CHRM5: variants seen among roughly 807,000 people sequenced by gnomAD.
CHRM5 encodes the protein cholinergic receptor muscarinic 5, also known as muscarinic acetylcholine receptor M5.
Under a neutral mutation model 39.0 loss-of-function variants are expected in CHRM5, and 18 were observed. The observed-to-expected ratio is 0.46, with a 90% CI of 0.32 to 0.68. CHRM5 has a LOEUF of 0.68. Among genes scored for constraint, CHRM5 ranks in the 30% least tolerant of loss-of-function variants. CHRM5 has a pLI of 0.04. For missense variants in CHRM5, 515 were observed against 651.1 expected (o/e 0.79, Z 2.28); for synonymous variants, 241 against 246.3 (o/e 0.98, Z 0.20).
intron 1 of CHRM5, among the ~76,000 whole-genome samples, chr15:33,992,295 G>C (rs551353230): frequency 1.1e-3 from 168 of 152,220 alleles, no homozygotes; most frequent in African/African-American, 2.8e-3. Context: ...GAGGCTGAGG[G>C]AGGAGAATGG....
At chr15:34,041,496 G>A (rs995557449) in intron 1 of CHRM5, among the ~76,000 whole-genome samples, 3 of 152,184 alleles carry the variant, frequency 2.0e-5, no homozygotes, top group African/African-American at 7.2e-5. Context: ...ACTATCCCTT[G>A]AGAAGCCTCC....
At chr15:34,015,426 G>A (rs1343441400) in intron 1 of CHRM5, among the ~76,000 whole-genome samples, 6 of 151,928 alleles carry the variant, frequency 3.9e-5, no homozygotes, top group Non-Finnish European at 8.8e-5. Context: ...AGCTTGCAGT[G>A]AGCCGAGATC....
intron 1 of CHRM5, among the ~76,000 whole-genome samples, chr15:33,983,205 T>TATATATAC (rs1896257107): frequency 3.8e-5 from 1 of 26,042 alleles, no homozygotes; most frequent in East Asian, 1.8e-3. Context: ...TGTGTGTATA[T>TATATATAC]ATATATATAC....
At chr15:34,058,523 C>T (rs1271758612) in intron 2 of CHRM5, among the ~76,000 whole-genome samples, 1 of 149,516 alleles carries the variant, frequency 6.7e-6, no homozygotes, top group Non-Finnish European at 1.5e-5. Flanking sequence ...CTTCAATCAG[C>T]ATAATAAGGA....
At position 34,065,032 on chromosome 15, in the gene CHRM5, A is replaced by G. The variant is rs1409193044; in HGVS notation, c.*716A>G. ...AGTCTGGAAGGACTGAAACCTGGTC[A>G]TACCCAGTCCTTTCAAGGGGCCTCT... is the stretch of plus-strand genomic sequence containing the variant. On this transcript the variant is annotated 3_prime_UTR_variant, in exon 3 of 3. Transcript: ENST00000383263. The G allele has an allele frequency of 6.0e-6, 1 of 167,052 alleles. No individual in the cohort carries two copies. The allele number at this position is 167,052 out of a possible 1,614,324, so 10.3% of individuals were successfully genotyped here.
At chr15:34,035,127 C>T (rs1056108416) in intron 1 of CHRM5, among the ~76,000 whole-genome samples, 1 of 152,142 alleles carries the variant, frequency 6.6e-6, no homozygotes, top group African/African-American at 2.4e-5. Flanking sequence ...TCAACGCCAT[C>T]GGGTATTAAT....
intron 1 of CHRM5, among the ~76,000 whole-genome samples, chr15:33,979,704 A>C (rs1896051274): frequency 6.6e-6 from 1 of 152,204 alleles, no homozygotes; most frequent in Admixed American, 6.5e-5. Context: ...GAAAAAAGAC[A>C]CCAATGGTTC....
intron 2 of CHRM5, among the ~76,000 whole-genome samples, chr15:34,052,043 A>G (rs1165720596): frequency 1.3e-5 from 2 of 152,132 alleles, no homozygotes; most frequent in African/African-American, 4.8e-5. Context: ...GATACAACAA[A>G]AAAAAGAAAA....
chr15:33,994,884 G>A (rs918624696), intron 1 of CHRM5, among the ~76,000 whole-genome samples: 2 of 151,728 alleles, frequency 1.3e-5, no homozygotes, highest in African/African-American at 4.8e-5. Flanking sequence ...AGCTAATTTG[G>A]GAAGAAAAAA....
At chr15:34,008,483 C>CTTTTTTTTT (rs200355232) in intron 1 of CHRM5, among the ~76,000 whole-genome samples, 1 of 119,232 alleles carries the variant, frequency 8.4e-6, no homozygotes, top group African/African-American at 4.4e-5. Flanking sequence ...GATGAAAAAC[C>CTTTTTTTTT]TTTTTTTTTT....
Position 34,064,041 on chromosome 15 carries a change from C to G in CHRM5, c.1324C>G (p.Gln442Glu). Residue 442 changes from glutamine (Q) to glutamate (E), a missense_variant, in exon 3 of 3, where the codon CAG becomes GAG. By Grantham distance (29) the Gln-to-Glu change is conservative. Transcript: ENST00000383263. ...VVLVKERKAAQTLSAILLAFI... is the reference protein window; with the variant it reads ...VVLVKERKAAETLSAILLAFI... ...CCTAGTCAAAGAGAGGAAAGCAGCC[C>G]AGACACTGAGTGCCATTCTCCTGGC... The G allele has an allele frequency of 6.2e-7, 1 of 1,614,158 alleles. No homozygotes were observed. The highest frequency in any genetic ancestry group is 8.5e-7 in the Non-Finnish European group (1 of 1,180,034).
intron 2 of CHRM5, 34 bp from the exon 3 acceptor site, chr15:34,062,609 G>T: frequency 1.1e-6 from 1 of 908,084 alleles, no homozygotes; most frequent in Non-Finnish European, 1.7e-6. Flanking sequence ...AATCATGCTG[G>T]TGTGCGAAGC....
intron 1 of CHRM5, chr15:34,039,176 C>G (rs909396810): frequency 2.9e-5 from 23 of 798,580 alleles, no homozygotes; most frequent in African/African-American, 3.7e-5. Context: ...GCGCGGGGTG[C>G]GGGGCTAGGG....
chr15:34,001,575 C>T (rs1897139866), intron 1 of CHRM5, among the ~76,000 whole-genome samples: 1 of 152,026 alleles, frequency 6.6e-6, no homozygotes, highest in Non-Finnish European at 1.5e-5. Flanking sequence ...CCATAATTGG[C>T]CAAAATATAG....
At chr15:34,007,122 A>G (rs1897389186) in intron 1 of CHRM5, 1 of 884,818 alleles carries the variant, frequency 1.1e-6, no homozygotes, top group Admixed American at 6.2e-5. Flanking sequence ...AAGACCTATT[A>G]TATAATCAAA....
chr15:34,015,488 TA>T (rs61057225), intron 1 of CHRM5, among the ~76,000 whole-genome samples: 6 of 150,202 alleles, frequency 4.0e-5, no homozygotes. Flanking sequence ...TCTCAAAAAA[TA>T]AAAAAAAATA....
At chr15:34,046,161 T>C (rs1375561910) in intron 1 of CHRM5, among the ~76,000 whole-genome samples, 3 of 152,184 alleles carry the variant, frequency 2.0e-5, no homozygotes, top group Non-Finnish European at 4.4e-5. Context: ...ATCAATGATT[T>C]AAGAAGTTTA....
chr15:34,040,288 C>G (rs376608609), intron 1 of CHRM5, among the ~76,000 whole-genome samples: 4 of 152,094 alleles, frequency 2.6e-5, no homozygotes, highest in Non-Finnish European at 5.9e-5. Context: ...GATTCAAGAT[C>G]AAGGTCCAAA....
chr15:34,025,125 G>A (rs893861604), intron 1 of CHRM5, among the ~76,000 whole-genome samples: 4 of 151,984 alleles, frequency 2.6e-5, no homozygotes, highest in Admixed American at 1.3e-4. Flanking sequence ...AGCAGAGATC[G>A]CACCACTGCA....
Sources: allele counts gnomAD v4.1 joint callset (sites outside exome capture counted in the v4.1 genomes callset), GRCh38; gene constraint gnomAD v4.1.1; transcripts MANE v1.5; gene names NCBI Gene and HGNC (gene_info 2026-07-23, HGNC 2026-07-21).